Variants in BIN1 observed in about 807,000 individuals in gnomAD.
BIN1 encodes bridging integrator 1.
Under a neutral mutation model 82.0 loss-of-function variants are expected in BIN1, and 53 were observed. The ratio of observed to expected loss-of-function variants is 0.65; its 90% confidence interval spans 0.52 to 0.81. The LOEUF (loss-of-function observed/expected upper bound fraction) is 0.81, where lower values mean the gene tolerates loss of function less well. Ranked by LOEUF, BIN1 falls within the 40% of genes least tolerant of loss-of-function variation. BIN1 has a pLI of 0.00. For missense variants in BIN1, 642 were observed against 784.4 expected (o/e 0.82, Z 2.17); for synonymous variants, 302 against 328.0 (o/e 0.92, Z 0.86).
At position 127,069,049 on chromosome 2, in the gene BIN1, G is replaced by A; in HGVS notation, c.412-18C>T. ...ATGCGTGACTGGGGCAGACAGAGGA[G>A]GGCACTAAGCGGGGCCTGGCACCCC... On this transcript the variant is annotated intron_variant, in intron 5 of 18. Transcript: ENST00000316724. The A allele has an allele frequency of 6.2e-7, 1 of 1,611,994 alleles. No homozygotes were observed. Among genetic ancestry groups the A allele is most frequent in the Non-Finnish European group, 8.5e-7 (1 of 1,178,452 alleles).
rs1054675084 is a variant in BIN1 at position 127,107,016 on chromosome 2, C to G, written c.-73G>C. 3 of 1,441,382 alleles carry G rather than the reference C, an allele frequency of 2.1e-6. No individual in the cohort carries two copies. Among genetic ancestry groups the G allele is most frequent in the Admixed American group, 2.6e-5 (1 of 37,896 alleles). 89.3% of individuals were successfully genotyped at this position (1,441,382 alleles called of 1,614,324 possible). A position where few individuals can be genotyped will look rare whatever the true frequency, so the allele number is the denominator to read the frequency against. On this transcript the variant is annotated 5_prime_UTR_variant, in exon 1 of 19. Transcript: ENST00000316724. The surrounding 1 kb of genome is among the most constrained non-coding windows in gnomAD (Gnocchi z 5.9). ...GATCTTGCGCGCCGCGCTCCCAGCC[C>G]CCAGCCCCGGCCGCGCGTCCAGACC...
At chr2:127,069,451 C>A (rs1161403258) in intron 5 of BIN1, among the ~76,000 whole-genome samples, 2 of 152,164 alleles carry the variant, frequency 1.3e-5, no homozygotes, top group African/African-American at 2.4e-5. Context: ...TCAACCCAGG[C>A]TTCCATGTGC....
At chr2:127,088,098 C>T (rs1043647759) in intron 1 of BIN1, among the ~76,000 whole-genome samples, 5 of 152,214 alleles carry the variant, frequency 3.3e-5, no homozygotes, top group African/African-American at 1.2e-4. Flanking sequence ...GGCTCTGGGA[C>T]GTGGCCTCTC....
chr2:127,079,910 AG>A (rs1687077281), intron 1 of BIN1, among the ~76,000 whole-genome samples: 1 of 152,196 alleles, frequency 6.6e-6, no homozygotes, highest in Non-Finnish European at 1.5e-5. Context: ...CTCAGCCCTG[AG>A]GGGTGACAGC....
chr2:127,059,298 G>C lies in BIN1; in HGVS notation c.858-143C>G, dbSNP rs1286868019. Reference sequence around the variant, plus strand: ...TGTGTGTGTGTGTGTGTGTGTATGTGAGAGAGAGCAGGAGGGTGGGGGGAG... The same window carrying C: ...TGTGTGTGTGTGTGTGTGTGTATGTCAGAGAGAGCAGGAGGGTGGGGGGAG... On this transcript the variant is annotated intron_variant, in intron 10 of 18. Coordinates refer to ENST00000316724, the MANE Select transcript of BIN1 (RefSeq NM_139343.3). The surrounding 1 kb of genome is among the most constrained non-coding windows in gnomAD (Gnocchi z 6.7). 1 of 849,780 alleles carries C rather than the reference G, an allele frequency of 1.2e-6. No individual in the cohort carries two copies. Among genetic ancestry groups the C allele is most frequent in the Non-Finnish European group, 1.8e-6 (1 of 551,292 alleles). 52.6% of individuals were successfully genotyped at this position (849,780 alleles called of 1,614,324 possible). A position where few individuals can be genotyped will look rare whatever the true frequency, so the allele number is the denominator to read the frequency against.
In BIN1 at chr2:127,053,907, G is replaced by T; in HGVS notation, c.1237C>A (p.Gln413Lys). The T allele has an allele frequency of 1.3e-6, 2 of 1,551,018 alleles. No homozygotes were observed. Among genetic ancestry groups the T allele is most frequent in the South Asian group, 1.2e-5 (1 of 84,026 alleles). The change falls in exon 13 of 19, where the codon CAG becomes AAG. Residue 413 changes from glutamine to lysine, a missense_variant and splice_region_variant. Coordinates refer to ENST00000316724, the MANE Select transcript of BIN1 (RefSeq NM_139343.3). The part of the protein sequence containing the change: ...SPVKAPTPSG[Q>K]SIPWDLWEPT... ...GGGCAGTGGTGGGCACAACCAACCT[G>T]ACCAGAGGGCGTGGGTGCCTTCACA...
chr2:127,072,812 G>A lies in BIN1; in HGVS notation c.166-1996C>T, dbSNP rs561448330. Among the ~76,000 whole-genome samples the A allele has an allele frequency of 1.2e-4, 19 of 152,216 alleles. No individual in the cohort carries two copies. The South Asian group carries it at 3.9e-3, about 32-fold the overall frequency. On this transcript the variant is annotated intron_variant, in intron 2 of 18. Coordinates refer to ENST00000316724, the MANE Select transcript of BIN1 (RefSeq NM_139343.3). ...CATCAGGGGGTCGGATGGAGACCCC[G>A]CGGGGCCGGGGAATGAGGAAGGGTC...
rs997875081 is a variant in BIN1 at position 127,068,723 on chromosome 2, G to A, written c.519+201C>T. The stretch of plus-strand genomic sequence containing the variant: ...GGGCTGAGGGGCCAGGGTGGCACGG[G>A]GGGCAGGAATGGGCCTAGGGTGGAC... On this transcript the variant is annotated intron_variant, in intron 6 of 18. Coordinates refer to ENST00000316724, the MANE Select transcript of BIN1 (RefSeq NM_139343.3). The surrounding 1 kb of genome is among the most constrained non-coding windows in gnomAD (Gnocchi z 4.9). 1.3e-4 allele frequency among the ~76,000 whole-genome samples: 20 copies of A among 152,188 alleles called. No homozygotes were observed. Among genetic ancestry groups the A allele is most frequent in the Non-Finnish European group, 2.6e-4 (18 of 68,022 alleles).
At chr2:127,050,345 T>C (rs1311914301) in intron 18 of BIN1, 76 bp downstream of exon 18, 1 of 1,542,534 alleles carries the variant, frequency 6.5e-7, no homozygotes, top group African/African-American at 1.4e-5. Flanking sequence ...CTGGCCTGTC[T>C]CCGCCACGGC....
intron 2 of BIN1, among the ~76,000 whole-genome samples, chr2:127,074,466 C>G (rs1478398327): frequency 6.6e-6 from 1 of 152,240 alleles, no homozygotes; most frequent in Non-Finnish European, 1.5e-5. Context: ...CACCCACAGC[C>G]CAGCAGCCAC....
chr2:127,075,894 C>T, intron 2 of BIN1, among the ~76,000 whole-genome samples: 1 of 140,986 alleles, frequency 7.1e-6, no homozygotes, highest in South Asian at 2.4e-4. Context: ...TCCCAGCCCT[C>T]CCAGCTGCCC....
chr2:127,050,194 G>C (rs558892790), intron 18 of BIN1, among the ~76,000 whole-genome samples: 1 of 152,326 alleles, frequency 6.6e-6, no homozygotes, highest in East Asian at 1.9e-4. Context: ...CGGGTATGGG[G>C]ACAGGGAGAG....
intron 1 of BIN1, among the ~76,000 whole-genome samples, chr2:127,101,302 A>T (rs1404078531): frequency 6.6e-6 from 1 of 152,156 alleles, no homozygotes; most frequent in East Asian, 1.9e-4. Context: ...TCCAAAAGGA[A>T]GCCATCCTCC....
At chr2:127,069,157 C>G (rs1455969342) in intron 5 of BIN1, 126 bp from the exon 6 acceptor site, 1 of 856,100 alleles carries the variant, frequency 1.2e-6, no homozygotes, top group Non-Finnish European at 1.8e-6. Context: ...CCCTTGAGCC[C>G]TTGTTGCTGG....
intron 16 of BIN1, 63 bp downstream of exon 16, chr2:127,051,091 A>G (rs994477326): frequency 1.8e-4 from 281 of 1,591,384 alleles, no homozygotes; most frequent in Non-Finnish European, 2.3e-4. Flanking sequence ...GCCACAGGGG[A>G]GCCCCGGACA....
intron 7 of BIN1, among the ~76,000 whole-genome samples, chr2:127,064,379 C>T (rs1056173382): frequency 6.6e-6 from 1 of 152,210 alleles, no homozygotes. Context: ...AAGTGGGGAC[C>T]CTGCCCACTT....
intron 1 of BIN1, among the ~76,000 whole-genome samples, chr2:127,095,099 A>G (rs573094344): frequency 6.6e-6 from 1 of 152,224 alleles, no homozygotes; most frequent in Non-Finnish European, 1.5e-5. Flanking sequence ...GGCTTGGTTT[A>G]TATTTCAGAA....
At chr2:127,063,217 A>C (rs563551073) in intron 9 of BIN1, among the ~76,000 whole-genome samples, 4 of 152,274 alleles carry the variant, frequency 2.6e-5, no homozygotes, top group Non-Finnish European at 5.9e-5. Context: ...AATGCTAGTA[A>C]TTTTTTCCTA....
intron 1 of BIN1, among the ~76,000 whole-genome samples, chr2:127,078,193 A>T (rs56173738): frequency 6.8e-6 from 1 of 146,690 alleles, no homozygotes; most frequent in Admixed American, 6.6e-5. Flanking sequence ...TTCCCCCCCC[A>T]GCCAGGCCCA....
Sources: gnomAD v4.1 joint callset for allele counts (sites outside exome capture counted in the v4.1 genomes callset) on GRCh38, gnomAD v4.1.1 for gene constraint, Gnocchi (gnomAD v3.1) non-coding constraint, MANE v1.5 for transcripts, NCBI Gene and HGNC (gene_info 2026-07-23, HGNC 2026-07-21) for gene names.